CYP2R1: variants seen among roughly 807,000 people sequenced by gnomAD.
CYP2R1 encodes cytochrome P450 family 2 subfamily R member 1.
CYP2R1 carries 40 observed loss-of-function variants against 45.7 expected under a neutral mutation model. The ratio of observed to expected loss-of-function variants is 0.87; its 90% confidence interval spans 0.68 to 1.14. The LOEUF (loss-of-function observed/expected upper bound fraction) is 1.14. CYP2R1 is among the 50% of genes most tolerant of loss of function. The probability of loss-of-function intolerance (pLI) is 0.00; values close to 1 mark genes in which losing one functional copy is unlikely to be tolerated. For synonymous variants in CYP2R1, 234 were observed against 219.3 expected, an observed-to-expected ratio of 1.07 and a Z score of -0.59; for missense variants, 605 against 602.6, an observed-to-expected ratio of 1.00 and a Z score of -0.04.
Position 14,885,842 on chromosome 11 carries a change from G to A in CYP2R1, c.301C>T (p.His101Tyr), listed in dbSNP as rs142001089. The A allele has an allele frequency of 6.2e-7, 1 of 1,613,542 alleles. No individual in the cohort carries two copies. Among genetic ancestry groups the A allele is most frequent in the East Asian group, 2.2e-5 (1 of 44,854 alleles). ...GYDVVKECLV[H>Y]QSEIFADRPC... ...CTGTCTGCAAAAATTTCGCTTTGATGAACAAGGCATTCCTTTACTACATCA... is the reference window on the plus strand; with the variant it reads ...CTGTCTGCAAAAATTTCGCTTTGATAAACAAGGCATTCCTTTACTACATCA... The change falls in exon 2 of 5, where the codon CAT becomes TAT. Residue 101 changes from histidine to tyrosine, a missense_variant. Coordinates refer to ENST00000334636, the MANE Select transcript of CYP2R1 (RefSeq NM_024514.5).
At chr11:14,882,089 C>CT (rs1446902879) in intron 2 of CYP2R1, among the ~76,000 whole-genome samples, 8 of 152,182 alleles carry the variant, frequency 5.3e-5, no homozygotes, top group South Asian at 2.1e-4. Flanking sequence ...ATAGTCCATT[C>CT]TTTTTTCTAT....
chr11:14,880,890 T>A, intron 2 of CYP2R1, 122 bp from the exon 3 acceptor site: 2 of 907,966 alleles, frequency 2.2e-6, no homozygotes, highest in Non-Finnish European at 3.3e-6. Flanking sequence ...CCTATATAAC[T>A]ACATGGTTGG....
chr11:14,879,314 A>G lies in CYP2R1; in HGVS notation c.1130T>C (p.Leu377Ser). The change falls in exon 4 of 5, where the codon TTA (leucine) becomes TCA (serine). Residue 377 changes from leucine to serine, a missense_variant. Leu to Ser is a moderately radical substitution (Grantham distance 145, BLOSUM62 -2). Transcript: ENST00000334636. ...EVLRFCNIVP[L>S]GIFHATSEDA... ...TTCAGAGGTTGCATGGAAAATCCCT[A>G]ATGGAACTATATTACAGAATCTTAA... The G allele has an allele frequency of 6.2e-7, 1 of 1,613,174 alleles. No homozygotes were observed. Among genetic ancestry groups the G allele is most frequent in the Non-Finnish European group, 8.5e-7 (1 of 1,179,510 alleles).
At chr11:14,890,325 G>T in intron 1 of CYP2R1, 1 of 267,144 alleles carries the variant, frequency 3.7e-6, no homozygotes, top group Non-Finnish European at 5.8e-6. Context: ...ATGATGCTGT[G>T]TACCAAGATA....
chr11:14,886,071 C>T, intron 1 of CYP2R1, 154 bp from the exon 2 acceptor site: 1 of 722,836 alleles, frequency 1.4e-6, no homozygotes, highest in Non-Finnish European at 2.4e-6. Context: ...GTTCAGAGTG[C>T]CCTCCTTCTA....
At chr11:14,881,008 G>A (rs1848362695) in intron 2 of CYP2R1, among the ~76,000 whole-genome samples, 1 of 152,064 alleles carries the variant, frequency 6.6e-6, no homozygotes, top group South Asian at 2.1e-4. Flanking sequence ...ACCACAAGAA[G>A]CTAGTCAGTC....
intron 4 of CYP2R1, among the ~76,000 whole-genome samples, chr11:14,878,720 A>G (rs1451834592): frequency 2.0e-5 from 3 of 152,100 alleles, no homozygotes; most frequent in Non-Finnish European, 4.4e-5. Flanking sequence ...AGAAGAAGCA[A>G]TATTTTCCTA....
intron 1 of CYP2R1, chr11:14,890,479 A>G (rs979396586): frequency 2.5e-5 from 24 of 977,280 alleles, no homozygotes; most frequent in Admixed American, 1.2e-4. Flanking sequence ...ACTATTCGTG[A>G]ACCATGAAAG....
chr11:14,892,231 C>T lies in CYP2R1; in HGVS notation c.-26G>A, dbSNP rs782106681. On this transcript the variant is annotated 5_prime_UTR_variant, in exon 1 of 5. Transcript: ENST00000334636. ...CGGCCCGAGCTGGAGGTGCGAACTC[C>T]ACAGCAGCCCTGAGACCCAGGCACT... is the stretch of plus-strand genomic sequence containing the variant. 12 of 1,600,476 alleles carry T rather than the reference C, an allele frequency of 7.5e-6. No homozygotes were observed. In the South Asian group the frequency reaches 1.3e-4, roughly 18 times the overall value.
chr11:14,877,812 G>C lies in CYP2R1; in HGVS notation c.*310C>G, dbSNP rs1848213591. 2 of 268,858 alleles carry C rather than the reference G, an allele frequency of 7.4e-6. No homozygotes were observed. The highest frequency in any genetic ancestry group is 1.4e-5 in the Non-Finnish European group (2 of 143,344). 16.7% of individuals were successfully genotyped at this position (268,858 alleles called of 1,614,324 possible). ...AAGGCAGATGGAGTCAAGAAGGGAT[G>C]AAAGTACCTGGTACTAAACAAGATG... On this transcript the variant is annotated 3_prime_UTR_variant, in exon 5 of 5. Coordinates refer to ENST00000334636, the MANE Select transcript of CYP2R1 (RefSeq NM_024514.5).
chr11:14,878,163 A>G lies in CYP2R1; in HGVS notation c.1465T>C (p.Leu489=). 3.1e-6 allele frequency: 5 copies of G among 1,613,172 alleles called. No individual in the cohort carries two copies. Among genetic ancestry groups the G allele is most frequent in the Non-Finnish European group, 3.4e-6 (4 of 1,179,472 alleles). The change falls in exon 5 of 5, where the codon TTG becomes CTG. Residue 489 remains leucine, a synonymous_variant. Coordinates refer to ENST00000334636, the MANE Select transcript of CYP2R1 (RefSeq NM_024514.5). Reference sequence around the variant, plus strand: ...CAGATGAGGTAGGGTTGGGGCTGCAATGTCATGCCTAACCTGGGCTTCAGA... The same window carrying G: ...CAGATGAGGTAGGGTTGGGGCTGCAGTGTCATGCCTAACCTGGGCTTCAGA... ...PDLKPRLGMT[L]QPQPYLICAE...
At chr11:14,885,418 T>C (rs1565184186) in intron 2 of CYP2R1, among the ~76,000 whole-genome samples, 1 of 152,124 alleles carries the variant, frequency 6.6e-6, no homozygotes, top group Non-Finnish European at 1.5e-5. Context: ...AGTAAAATGA[T>C]AGTAAAAATG....
intron 3 of CYP2R1, 46 bp from the exon 4 acceptor site, chr11:14,879,489 A>G (rs1555011139): frequency 1.4e-6 from 2 of 1,431,726 alleles, no homozygotes; most frequent in East Asian, 2.3e-5. Context: ...TCTTAGAATT[A>G]TACCTAAAGT....
intron 1 of CYP2R1, chr11:14,887,723 T>C: frequency 1.3e-6 from 1 of 762,114 alleles, no homozygotes; most frequent in African/African-American, 1.9e-5. Flanking sequence ...GACCACTCCA[T>C]ACATCCTTCA....
intron 1 of CYP2R1, 161 bp downstream of exon 1, chr11:14,891,820 C>T (rs1412684452): frequency 3.1e-6 from 3 of 972,088 alleles, no homozygotes; most frequent in Non-Finnish European, 3.7e-6. Flanking sequence ...AGGACTTCTC[C>T]CTTCCAGACC....
At chr11:14,887,597 T>G (rs192960318) in intron 1 of CYP2R1, 1 of 985,230 alleles carries the variant, frequency 1.0e-6, no homozygotes, top group African/African-American at 1.7e-5. Flanking sequence ...CTGGCAGAGA[T>G]GTAAACAGGA....
In CYP2R1 at chr11:14,878,274, G is replaced by A; in HGVS notation, c.1354C>T (p.His452Tyr). 1 of 1,613,006 alleles carries A rather than the reference G, an allele frequency of 6.2e-7. No individual in the cohort carries two copies. Among genetic ancestry groups the A allele is most frequent in the Non-Finnish European group, 8.5e-7 (1 of 1,179,350 alleles). Residue 452 changes from histidine (H) to tyrosine (Y), a missense_variant, in exon 5 of 5, where the codon CAC becomes TAC. Coordinates refer to ENST00000334636, the MANE Select transcript of CYP2R1 (RefSeq NM_024514.5). Reference sequence around the variant, plus strand: ...AAGAACATTTCCATCCGAGCCAAGTGTTCTCCAAGACAATGTCTTCTTCCT... The same window carrying A: ...AAGAACATTTCCATCCGAGCCAAGTATTCTCCAAGACAATGTCTTCTTCCT... ...SLGRRHCLGEHLARMEMFLFF... is the reference protein window; with the variant it reads ...SLGRRHCLGEYLARMEMFLFF...
chr11:14,879,488 T>C, intron 3 of CYP2R1, 45 bp from the exon 4 acceptor site: 1 of 1,443,264 alleles, frequency 6.9e-7, no homozygotes. Context: ...TTCTTAGAAT[T>C]ATACCTAAAG....
intron 1 of CYP2R1, chr11:14,890,999 T>G (rs1848830188): frequency 1.0e-6 from 1 of 985,454 alleles, no homozygotes; most frequent in Non-Finnish European, 1.2e-6. Flanking sequence ...CTCCCACTCA[T>G]CTGCCAACTC....
Sources: gnomAD v4.1 joint callset for allele counts (sites outside exome capture counted in the v4.1 genomes callset) on GRCh38, gnomAD v4.1.1 for gene constraint, MANE v1.5 for transcripts, NCBI Gene and HGNC (gene_info 2026-07-23, HGNC 2026-07-21) for gene names.